CXCL13: variants seen among roughly 807,000 people sequenced by gnomAD.
CXCL13 encodes C-X-C motif chemokine ligand 13.
A neutral mutation model predicts 12.2 loss-of-function variants in CXCL13; 7 were observed. The observed-to-expected ratio is 0.57, with a 90% CI of 0.33 to 1.07. The LOEUF (loss-of-function observed/expected upper bound fraction) is 1.07. Ranked by LOEUF, CXCL13 falls within the 50% of genes least tolerant of loss-of-function variation. CXCL13 has a pLI of 0.04. For synonymous variants in CXCL13, 47 were observed against 42.4 expected, an observed-to-expected ratio of 1.11 and a Z score of -0.42; for missense variants, 113 against 127.4, an observed-to-expected ratio of 0.89 and a Z score of 0.55.
intron 1 of CXCL13, among the ~76,000 whole-genome samples, chr4:77,560,628 T>A (rs537074172): frequency 3.9e-5 from 6 of 152,326 alleles, no homozygotes; most frequent in Admixed American, 2.0e-4. Flanking sequence ...AGCCTCCCAG[T>A]GCCTAACAAA....
intron 1 of CXCL13, among the ~76,000 whole-genome samples, chr4:77,555,124 A>T (rs1578051625): frequency 6.6e-6 from 1 of 152,074 alleles, no homozygotes; most frequent in East Asian, 1.9e-4. Context: ...ATTAACAGGA[A>T]AAAAACCAAT....
intron 1 of CXCL13, among the ~76,000 whole-genome samples, chr4:77,555,011 T>C (rs1170900004): frequency 6.6e-6 from 1 of 151,590 alleles, no homozygotes; most frequent in Non-Finnish European, 1.5e-5. Context: ...AAATTTTACA[T>C]TAAGAAGCTA....
intron 1 of CXCL13, among the ~76,000 whole-genome samples, chr4:77,527,226 A>T (rs936370226): frequency 6.6e-6 from 1 of 152,204 alleles, no homozygotes. Context: ...AGCTTAAATT[A>T]AAAAATGCTG....
intron 1 of CXCL13, among the ~76,000 whole-genome samples, chr4:77,519,027 G>A (rs937265975): frequency 6.6e-6 from 1 of 152,200 alleles, no homozygotes; most frequent in Non-Finnish European, 1.5e-5. Flanking sequence ...ACCCTCAGCT[G>A]CAAGTCTGTT....
chr4:77,534,233 C>G (rs923888695), intron 1 of CXCL13, among the ~76,000 whole-genome samples: 1 of 152,172 alleles, frequency 6.6e-6, no homozygotes, highest in African/African-American at 2.4e-5. Context: ...TATGACCTAG[C>G]AATTGCACTC....
intron 1 of CXCL13, among the ~76,000 whole-genome samples, chr4:77,527,466 T>C (rs1274564682): frequency 1.3e-5 from 2 of 152,112 alleles, no homozygotes; most frequent in Non-Finnish European, 2.9e-5. Context: ...ACCCCATCTC[T>C]ACAGAAAATA....
intron 1 of CXCL13, among the ~76,000 whole-genome samples, chr4:77,534,298 G>A (rs1039485206): frequency 1.3e-5 from 2 of 152,198 alleles, no homozygotes; most frequent in African/African-American, 4.8e-5. Context: ...GCACATGGAT[G>A]TTTCTAATAG....
chr4:77,575,979 C>A (rs1274075464), intron 1 of CXCL13, among the ~76,000 whole-genome samples: 1 of 151,784 alleles, frequency 6.6e-6, no homozygotes, highest in Non-Finnish European at 1.5e-5. Context: ...AACCAAATTT[C>A]TTTGTCAATT....
chr4:77,599,972 G>T (rs1463057662), intron 1 of CXCL13, among the ~76,000 whole-genome samples: 2 of 152,164 alleles, frequency 1.3e-5, no homozygotes, highest in East Asian at 1.9e-4. Context: ...TAGATATGGG[G>T]ATTAAAGGCG....
chr4:77,524,535 G>A (rs912030201), intron 1 of CXCL13, among the ~76,000 whole-genome samples: 3 of 152,210 alleles, frequency 2.0e-5, no homozygotes, highest in African/African-American at 7.2e-5. Flanking sequence ...CCAGGCATGG[G>A]AGAGAATCTT....
chr4:77,518,353 T>C (rs1484563025), intron 1 of CXCL13, among the ~76,000 whole-genome samples: 1 of 152,214 alleles, frequency 6.6e-6, no homozygotes, highest in Non-Finnish European at 1.5e-5. Flanking sequence ...CCTTGCTAGA[T>C]TGGGGAAGTT....
chr4:77,527,621 G>A lies in CXCL13; in HGVS notation c.-43+15833G>A, dbSNP rs199833389. ...CTCTCTAGCCTGGGTGACAGAGTGA[G>A]ACACAGTCTCAGATAAAAAAAAAAG... On this transcript the variant is annotated intron_variant, in intron 1 of 4. Coordinates refer to the CXCL13 transcript ENST00000286758. Among the ~76,000 whole-genome samples, 42 of 151,692 alleles carry A rather than the reference G, an allele frequency of 2.8e-4. 1 individual carries two copies. In the East Asian group the frequency reaches 5.4e-3, roughly 20 times the overall value.
intron 1 of CXCL13, among the ~76,000 whole-genome samples, chr4:77,593,120 C>T (rs17002733): frequency 0.088 from 13,371 of 152,024 alleles, 649 homozygotes; most frequent in Middle Eastern, 0.14. Context: ...CAATTTTTTT[C>T]CCTCATCGAT....
At chr4:77,548,926 G>A (rs550111659) in intron 1 of CXCL13, among the ~76,000 whole-genome samples, 1 of 152,204 alleles carries the variant, frequency 6.6e-6, no homozygotes, top group African/African-American at 2.4e-5. Flanking sequence ...ATCCTGAAGA[G>A]TGTTTTCCAA....
intron 1 of CXCL13, among the ~76,000 whole-genome samples, chr4:77,571,780 T>C (rs1208376219): frequency 6.6e-6 from 1 of 151,784 alleles, no homozygotes; most frequent in Non-Finnish European, 1.5e-5. Context: ...TTTGTTCTTT[T>C]GCTCTTTGCA....
chr4:77,609,831 C>T (rs562547570), intron 2 of CXCL13, among the ~76,000 whole-genome samples: 2 of 152,300 alleles, frequency 1.3e-5, no homozygotes, highest in South Asian at 2.1e-4. Context: ...GTCAGATAAT[C>T]TTCATTTGAA....
intron 1 of CXCL13, among the ~76,000 whole-genome samples, chr4:77,528,717 A>G (rs1269056457): frequency 1.3e-5 from 2 of 152,128 alleles, no homozygotes; most frequent in Admixed American, 6.5e-5. Flanking sequence ...ATGTTCTCCC[A>G]TTCTGTAGGT....
intron 1 of CXCL13, among the ~76,000 whole-genome samples, chr4:77,571,011 C>T (rs1726062865): frequency 1.3e-5 from 2 of 152,032 alleles, no homozygotes. Context: ...CTCCACGGTG[C>T]CCAGTCCCAT....
At chr4:77,516,755 A>G (rs1490833505) in intron 1 of CXCL13, among the ~76,000 whole-genome samples, 2 of 152,092 alleles carry the variant, frequency 1.3e-5, no homozygotes, top group Non-Finnish European at 2.9e-5. Flanking sequence ...CATTCAAAAA[A>G]CCAGCTCCTG....
Sources: allele counts gnomAD v4.1 joint callset (sites outside exome capture counted in the v4.1 genomes callset), GRCh38; gene constraint gnomAD v4.1.1; transcripts MANE v1.5; gene names NCBI Gene and HGNC (gene_info 2026-07-23, HGNC 2026-07-21).